Variants in SPIDR observed in about 807,000 individuals in gnomAD.
SPIDR encodes the protein scaffold protein involved in DNA repair, also known as DNA repair-scaffolding protein.
Under a neutral mutation model 104.6 loss-of-function variants are expected in SPIDR, and 93 were observed. The ratio of observed to expected loss-of-function variants is 0.89; its 90% CI spans 0.75 to 1.06. The LOEUF is 1.06. Ranked by LOEUF, SPIDR falls within the 50% of genes least tolerant of loss-of-function variation. The pLI is 0.00. For missense variants in SPIDR, 1,154 were observed against 1,111.2 expected (o/e 1.04, Z -0.55); for synonymous variants, 431 against 416.9 (o/e 1.03, Z -0.41).
Position 47,731,598 on chromosome 8 carries a change from A to G in SPIDR, c.2604+2133A>G, listed in dbSNP as rs1294485960. On this transcript the variant is annotated intron_variant, in intron 19 of 19. Coordinates refer to ENST00000297423, the MANE Select transcript of SPIDR (RefSeq NM_001080394.4). ...AGGGAAAGTCATCGTTACGCCACAG[A>G]GTGACCACCTGCAGAGTTGGGAGCC... Among the ~76,000 whole-genome samples the G allele has an allele frequency of 2.6e-5, 4 of 152,268 alleles. No individual in the cohort carries two copies. In the East Asian group the frequency reaches 7.7e-4, roughly 29 times the overall value.
At chr8:47,390,375 G>A (rs1412675946) in intron 5 of SPIDR, among the ~76,000 whole-genome samples, 4 of 151,958 alleles carry the variant, frequency 2.6e-5, no homozygotes, top group African/African-American at 4.8e-5. Flanking sequence ...TCTACCAACA[G>A]TGAAATAGAT....
intron 19 of SPIDR, chr8:47,729,780 G>A (rs1314862874): frequency 6.0e-5 from 17 of 282,404 alleles, no homozygotes; most frequent in East Asian, 1.4e-4. Context: ...GCACAGTGGC[G>A]TGATCTCAGC....
intron 7 of SPIDR, among the ~76,000 whole-genome samples, chr8:47,428,032 C>T (rs534613729): frequency 2.9e-4 from 44 of 152,362 alleles, no homozygotes; most frequent in African/African-American, 1.1e-3. Flanking sequence ...AAGTGATTCT[C>T]CCGTCTCAGC....
chr8:47,661,910 T>G (rs2074178956), intron 10 of SPIDR, among the ~76,000 whole-genome samples: 1 of 152,204 alleles, frequency 6.6e-6, no homozygotes, highest in African/African-American at 2.4e-5. Flanking sequence ...ACATTCTCCA[T>G]AGAGCAGTTT....
chr8:47,543,810 GT>G (rs1302817080), intron 8 of SPIDR, among the ~76,000 whole-genome samples: 2 of 152,156 alleles, frequency 1.3e-5, no homozygotes, highest in African/African-American at 4.8e-5. Context: ...ATGGTGGTCA[GT>G]TTTTAGGAAG....
chr8:47,550,830 C>T (rs1181924614), intron 8 of SPIDR, among the ~76,000 whole-genome samples: 1 of 151,654 alleles, frequency 6.6e-6, no homozygotes, highest in Admixed American at 6.6e-5. Flanking sequence ...TGAAGGAGGG[C>T]ATCCCTGTCT....
At chr8:47,464,651 T>A (rs2154354647) in intron 8 of SPIDR, among the ~76,000 whole-genome samples, 1 of 152,136 alleles carries the variant, frequency 6.6e-6, no homozygotes, top group African/African-American at 2.4e-5. Flanking sequence ...CCCTTTTGTC[T>A]TGTCTAGTCC....
rs782674230 is a variant in SPIDR, at chr8:47,391,423, T to TCAG, written c.526-4951_526-4949dup. ...GGTATGGTGGCACACATCTGTAGCT[T>TCAG]CAGCTACTTGAGAGGCTGAGGTGGG... On this transcript the variant is annotated intron_variant, in intron 5 of 19. Coordinates refer to ENST00000297423, the MANE Select transcript of SPIDR (RefSeq NM_001080394.4). Among the ~76,000 whole-genome samples the TCAG allele has an allele frequency of 1.3e-4, 20 of 151,884 alleles. No individual in the cohort carries two copies. The East Asian group carries it at 1.9e-3, about 15-fold the overall frequency.
chr8:47,668,776 C>G (rs1156328645), intron 10 of SPIDR, among the ~76,000 whole-genome samples: 1 of 152,074 alleles, frequency 6.6e-6, no homozygotes, highest in African/African-American at 2.4e-5. Context: ...TACAAAAGTT[C>G]AATATACAAG....
At chr8:47,545,184 G>A (rs1457461602) in intron 8 of SPIDR, among the ~76,000 whole-genome samples, 6 of 143,800 alleles carry the variant, frequency 4.2e-5, no homozygotes, top group Non-Finnish European at 3.0e-5. Flanking sequence ...GCAGTGGTGC[G>A]ATCTCAGCTC....
intron 10 of SPIDR, among the ~76,000 whole-genome samples, chr8:47,599,735 A>G (rs2062036093): frequency 1.3e-5 from 2 of 152,220 alleles, no homozygotes; most frequent in African/African-American, 2.4e-5. Context: ...GTCTCTACTC[A>G]GATTTAGGCC....
chr8:47,473,940 C>T (rs1203716534), intron 8 of SPIDR, among the ~76,000 whole-genome samples: 1 of 152,136 alleles, frequency 6.6e-6, no homozygotes, highest in Non-Finnish European at 1.5e-5. Flanking sequence ...ACCTTATAGG[C>T]CAGAGGGCTT....
Position 47,727,105 on chromosome 8 carries a change from G to A in SPIDR, c.2342-95G>A, listed in dbSNP as rs560585402. ...AACTCCCAAGTAAGGCAAAAATCAC[G>A]AGGCCCCTCATGTTGTCCTCTGCAC... On this transcript the variant is annotated intron_variant, in intron 16 of 19. Transcript: ENST00000297423. 1.3e-4 allele frequency: 125 copies of A among 980,444 alleles called. 1 individual carries two copies. In the South Asian group the frequency reaches 1.6e-3, roughly 12 times the overall value. 60.7% of individuals were successfully genotyped at this position (980,444 alleles called of 1,614,324 possible).
chr8:47,550,948 T>G (rs1222204999), intron 8 of SPIDR, among the ~76,000 whole-genome samples: 1 of 152,226 alleles, frequency 6.6e-6, no homozygotes, highest in Non-Finnish European at 1.5e-5. Context: ...GTTCCATCAG[T>G]ACCTAATTTA....
intron 8 of SPIDR, among the ~76,000 whole-genome samples, chr8:47,485,576 G>A (rs554538077): frequency 6.6e-4 from 101 of 152,312 alleles, no homozygotes; most frequent in African/African-American, 2.2e-3. Flanking sequence ...CTTGACCCCC[G>A]AGTAGCCTAA....
intron 8 of SPIDR, among the ~76,000 whole-genome samples, chr8:47,527,130 A>G (rs557095070): frequency 2.0e-5 from 3 of 152,296 alleles, no homozygotes; most frequent in Admixed American, 1.3e-4. Context: ...TGTGAAGATC[A>G]GGGAACAACC....
intron 14 of SPIDR, among the ~76,000 whole-genome samples, chr8:47,703,658 T>A (rs1278637944): frequency 6.6e-6 from 1 of 152,240 alleles, no homozygotes; most frequent in Admixed American, 6.5e-5. Flanking sequence ...CACAAAATAT[T>A]CTTACGGTTT....
chr8:47,322,676 T>A (rs1554597030), intron 5 of SPIDR, among the ~76,000 whole-genome samples: 2 of 152,180 alleles, frequency 1.3e-5, no homozygotes, highest in African/African-American at 4.8e-5. Flanking sequence ...TCGCAGAGAC[T>A]TGGAGCCAAG....
At chr8:47,541,716 G>A (rs963401685) in intron 8 of SPIDR, among the ~76,000 whole-genome samples, 10 of 152,138 alleles carry the variant, frequency 6.6e-5, no homozygotes, top group Non-Finnish European at 1.0e-4. Context: ...AGCCAACCTG[G>A]TGAAACCCCA....
Sources: allele counts gnomAD v4.1 joint callset (sites outside exome capture counted in the v4.1 genomes callset), GRCh38; gene constraint gnomAD v4.1.1; transcripts MANE v1.5; gene names NCBI Gene and HGNC (gene_info 2026-07-23, HGNC 2026-07-21).